DPY19L3: variants seen among roughly 807,000 people sequenced by gnomAD.
DPY19L3 encodes the protein dpy-19 like C-mannosyltransferase 3.
Under a neutral mutation model 92.3 loss-of-function variants are expected in DPY19L3, and 51 were observed. The observed-to-expected ratio is 0.55, with a 90% CI of 0.44 to 0.70. The LOEUF (loss-of-function observed/expected upper bound fraction) is 0.70, where lower values mean the gene tolerates loss of function less well. DPY19L3 is among the 30% of genes least tolerant of loss of function. The pLI is 0.00. For synonymous variants in DPY19L3, 309 were observed against 315.2 expected, an observed-to-expected ratio of 0.98 and a Z score of 0.21; for missense variants, 706 against 855.9, an observed-to-expected ratio of 0.82 and a Z score of 2.18.
intron 2 of DPY19L3, among the ~76,000 whole-genome samples, chr19:32,409,438 T>C (rs1968100618): frequency 6.6e-6 from 1 of 152,258 alleles, no homozygotes; most frequent in South Asian, 2.1e-4. Context: ...AAAGGTTTTC[T>C]TACCATTTGC....
At chr19:32,411,619 G>C (rs1173190100) in intron 3 of DPY19L3, 4 of 424,976 alleles carry the variant, frequency 9.4e-6, no homozygotes, top group Non-Finnish European at 1.6e-5. Context: ...CCAGGCTGGA[G>C]TGCGGTGGCG....
rs976464537 is a variant in DPY19L3, at chr19:32,481,975, T to A, written c.1990-104T>A. Reference sequence around the variant, plus strand: ...GACATTGAAATAATATAATTTAATTTCACTCACATACCATTCTTAAACCCA... The same window carrying A: ...GACATTGAAATAATATAATTTAATTACACTCACATACCATTCTTAAACCCA... On this transcript the variant is annotated intron_variant, in intron 18 of 18. Coordinates refer to ENST00000392250, the MANE Select transcript of DPY19L3 (RefSeq NM_001172774.2). 2.4e-6 allele frequency: 3 copies of A among 1,273,346 alleles called. No homozygotes were observed. In the Admixed American group the frequency reaches 6.9e-5, roughly 29 times the overall value. The allele number at this position is 1,273,346 out of a possible 1,614,324, so 78.9% of individuals were successfully genotyped here. A position where few individuals can be genotyped will look rare whatever the true frequency, so the allele number is the denominator to read the frequency against.
intron 16 of DPY19L3, among the ~76,000 whole-genome samples, chr19:32,475,238 A>C (rs1599677223): frequency 1.3e-5 from 2 of 152,156 alleles, no homozygotes; most frequent in Non-Finnish European, 2.9e-5. Context: ...TAGTCTTGTG[A>C]TTGGAATGGA....
chr19:32,420,816 G>A (rs1001131189), intron 3 of DPY19L3, among the ~76,000 whole-genome samples: 1 of 152,012 alleles, frequency 6.6e-6, no homozygotes, highest in Non-Finnish European at 1.5e-5. Context: ...AGTGTGTATT[G>A]TTTTTTAATT....
intron 8 of DPY19L3, among the ~76,000 whole-genome samples, chr19:32,446,217 A>G (rs1969494411): frequency 1.3e-5 from 2 of 152,198 alleles, no homozygotes; most frequent in African/African-American, 4.8e-5. Context: ...CAGAATAACC[A>G]CTTTAAAAAA....
chr19:32,462,842 C>A (rs1424704475), intron 12 of DPY19L3, among the ~76,000 whole-genome samples: 1 of 152,054 alleles, frequency 6.6e-6, no homozygotes, highest in East Asian at 1.9e-4. Flanking sequence ...ATTATTGTTA[C>A]TTTTATTGGG....
intron 16 of DPY19L3, among the ~76,000 whole-genome samples, chr19:32,476,402 C>T (rs1599678714): frequency 2.0e-5 from 3 of 151,952 alleles, no homozygotes; most frequent in Admixed American, 1.3e-4. Flanking sequence ...AGGATAAACG[C>T]AGCCCGCAGT....
intron 3 of DPY19L3, among the ~76,000 whole-genome samples, chr19:32,426,389 G>A (rs146860484): frequency 1.3e-5 from 2 of 152,200 alleles, no homozygotes; most frequent in African/African-American, 2.4e-5. Context: ...ATTTCCTTCC[G>A]TAACTTTTCC....
chr19:32,407,498 A>T (rs1194922934), intron 1 of DPY19L3, among the ~76,000 whole-genome samples: 3 of 152,214 alleles, frequency 2.0e-5, no homozygotes, highest in African/African-American at 7.2e-5. Context: ...CTTCTGTGGG[A>T]GGTACTGAAG....
chr19:32,443,746 T>C (rs1222564277), intron 8 of DPY19L3, among the ~76,000 whole-genome samples: 1 of 152,184 alleles, frequency 6.6e-6, no homozygotes, highest in Non-Finnish European at 1.5e-5. Flanking sequence ...GGTCCCATAA[T>C]GTAATAGGAT....
chr19:32,462,764 C>A (rs1219415762), intron 12 of DPY19L3, among the ~76,000 whole-genome samples: 1 of 151,974 alleles, frequency 6.6e-6, no homozygotes, highest in African/African-American at 2.4e-5. Context: ...TTCAGAGAAA[C>A]CTGAAAAAAG....
At chr19:32,480,345 C>T in intron 17 of DPY19L3, 54 bp from the exon 18 acceptor site, 1 of 1,562,922 alleles carries the variant, frequency 6.4e-7, no homozygotes, top group Non-Finnish European at 8.7e-7. Flanking sequence ...ACATAGTTAA[C>T]TCCCTGGCAG....
At chr19:32,426,832 C>G (rs1345624689) in intron 3 of DPY19L3, among the ~76,000 whole-genome samples, 2 of 152,166 alleles carry the variant, frequency 1.3e-5, no homozygotes, top group East Asian at 3.9e-4. Flanking sequence ...ATAGCTGTTG[C>G]AGAAATGGTG....
At chr19:32,407,904 G>A (rs1012775562) in intron 1 of DPY19L3, among the ~76,000 whole-genome samples, 10 of 152,110 alleles carry the variant, frequency 6.6e-5, no homozygotes, top group African/African-American at 2.4e-4. Flanking sequence ...TACCAGCCTG[G>A]GCAAGATAGG....
chr19:32,462,057 A>G (rs1179194997), intron 12 of DPY19L3, among the ~76,000 whole-genome samples: 1 of 152,234 alleles, frequency 6.6e-6, no homozygotes, highest in Admixed American at 6.5e-5. Context: ...TTTAATTTAT[A>G]AATTAATCAT....
intron 3 of DPY19L3, among the ~76,000 whole-genome samples, chr19:32,418,037 A>G (rs1599592626): frequency 1.3e-5 from 2 of 152,136 alleles, no homozygotes; most frequent in Non-Finnish European, 2.9e-5. Flanking sequence ...TCATCTTACC[A>G]TCTTGTAGAT....
intron 6 of DPY19L3, 67 bp from the exon 7 acceptor site, chr19:32,439,045 G>T: frequency 6.5e-7 from 1 of 1,539,042 alleles, no homozygotes; most frequent in African/African-American, 1.4e-5. Context: ...ATCTTTCGTT[G>T]AGGAAGTCTT....
intron 1 of DPY19L3, among the ~76,000 whole-genome samples, chr19:32,407,262 G>GCCCCCCCCCCC (rs1432716118): frequency 2.5e-5 from 1 of 39,604 alleles, no homozygotes; most frequent in African/African-American, 1.3e-4. Flanking sequence ...CCAGGCTCCT[G>GCCCCCCCCCCC]CTCCCCCCCA....
intron 1 of DPY19L3, among the ~76,000 whole-genome samples, chr19:32,406,615 G>A (rs549690291): frequency 2.0e-5 from 3 of 152,256 alleles, no homozygotes; most frequent in Non-Finnish European, 2.9e-5. Context: ...ACCTCCCAAA[G>A]CGCTGGGATT....
Sources: gnomAD v4.1 joint callset for allele counts (sites outside exome capture counted in the v4.1 genomes callset) on GRCh38, gnomAD v4.1.1 for gene constraint, MANE v1.5 for transcripts, NCBI Gene and HGNC (gene_info 2026-07-23, HGNC 2026-07-21) for gene names.